TLN1: variants seen among roughly 807,000 people sequenced by gnomAD.
The protein encoded by TLN1 is talin 1.
A neutral mutation model predicts 292.3 loss-of-function variants in TLN1; 56 were observed. The ratio of observed to expected loss-of-function variants is 0.19; its 90% CI spans 0.15 to 0.24. The LOEUF (loss-of-function observed/expected upper bound fraction) is 0.24. TLN1 is among the 10% of genes least tolerant of loss of function. TLN1 has a pLI of 1.00. For missense variants in TLN1, 2,433 were observed against 3,248.2 expected (o/e 0.75, Z 6.10); for synonymous variants, 1,119 against 1,253.7 (o/e 0.89, Z 2.27).
chr9:35,719,719 T>C lies in TLN1; in HGVS notation c.1578+21A>G. The C allele has an allele frequency of 6.2e-7, 1 of 1,610,154 alleles. No homozygotes were observed. Among genetic ancestry groups the C allele is most frequent in the Non-Finnish European group, 8.5e-7 (1 of 1,177,756 alleles). Reference sequence around the variant, plus strand: ...AGTCTCAGCTTCAGTACCACCGGCCTCTCCTCCATCCCATACTTACAGCAT... The same window carrying C: ...AGTCTCAGCTTCAGTACCACCGGCCCCTCCTCCATCCCATACTTACAGCAT... On this transcript the variant is annotated intron_variant, in intron 14 of 56. Transcript: ENST00000314888. This position sits in a 1 kb window ranked among gnomAD's most constrained non-coding sequence, Gnocchi z 4.6.
Position 35,700,195 on chromosome 9 carries a change from C to T in TLN1, c.6656G>A (p.Cys2219Tyr). 1 of 1,599,824 alleles carries T rather than the reference C, an allele frequency of 6.3e-7. No homozygotes were observed. The change falls in exon 49 of 57, where the codon TGC becomes TAC. Residue 2219 changes from cysteine to tyrosine, a missense_variant. Cys to Tyr is a radical substitution (Grantham distance 194). This residue lies in a region of TLN1 where 1,384 missense variants were observed against 1,699.6 expected (regional missense o/e 0.81). Transcript: ENST00000314888. ...AAATGCCTCAAGGATTTCTACCTTG[C>T]AAGCCCGAAGCATATCTGCAATAGC... ...RRAIADMLRA[C>Y]KEAAYHPEVA...
At position 35,712,124 on chromosome 9, in the gene TLN1, C is replaced by T. The variant is rs1012448272; in HGVS notation, c.3562G>A (p.Val1188Met). The T allele has an allele frequency of 6.2e-7, 1 of 1,612,238 alleles. No homozygotes were observed. The highest frequency in any genetic ancestry group is 1.3e-5 in the African/African-American group (1 of 74,816). The change falls in exon 28 of 57, where the codon GTG becomes ATG. Residue 1188 changes from valine to methionine, a missense_variant and splice_region_variant. Val to Met is a conservative substitution (Grantham distance 21). Around this residue, in one of 7 missense-constraint regions of TLN1, gnomAD observed 1,384 missense variants for 1,699.6 expected, o/e 0.81. Transcript: ENST00000314888. ...AGAGCCTGGGTCACTGCTTTAGCCA[C>T]CTGGGGTGAGAAAGGAGACAGGGTT... ...DPESQQRLAQ[V>M]AKAVTQALNR...
intron 33 of TLN1, among the ~76,000 whole-genome samples, chr9:35,709,941 G>A (rs185119618): frequency 0.018 from 2,506 of 143,104 alleles, 58 homozygotes; most frequent in African/African-American, 0.056. Context: ...GGCCAGGCGC[G>A]GTGGCTCACG....
Position 35,699,852 on chromosome 9 carries a change from G to C in TLN1, c.6768+122C>G. 7 of 1,143,858 alleles carry C rather than the reference G, an allele frequency of 6.1e-6. No homozygotes were observed. Among genetic ancestry groups the C allele is most frequent in the South Asian group, 1.7e-5 (1 of 60,466 alleles). The allele number at this position is 1,143,858 out of a possible 1,614,324, so 70.9% of individuals were successfully genotyped here. On this transcript the variant is annotated intron_variant, in intron 50 of 56. Coordinates refer to ENST00000314888, the MANE Select transcript of TLN1 (RefSeq NM_006289.4). This position sits in a 1 kb window ranked among gnomAD's most constrained non-coding sequence, Gnocchi z 4.0. ...GACTTGGAAAGGAGAACAGATTTGG[G>C]AAGTAGAGGGTGGGGTAGGGAGGAG...
chr9:35,714,343 C>G lies in TLN1; in HGVS notation c.3016G>C (p.Ala1006Pro). Residue 1006 changes from alanine (A) to proline (P), a missense_variant, in exon 24 of 57, where the codon GCC (alanine) becomes CCC (proline). Around this residue, in one of 7 missense-constraint regions of TLN1, gnomAD observed 617 missense variants for 770.6 expected, o/e 0.80. Coordinates refer to ENST00000314888, the MANE Select transcript of TLN1 (RefSeq NM_006289.4). The surrounding 1 kb of genome is among the most constrained non-coding windows in gnomAD (Gnocchi z 4.6). ...TGGTCCTGAATCGTTGGCACTGAGG[C>G]CTTTGCAGCTGCCACCATCTTCCCA... is the stretch of plus-strand genomic sequence containing the variant. Reference protein sequence around the residue: ...PGGKMVAAAKASVPTIQDQAS... With the variant: ...PGGKMVAAAKPSVPTIQDQAS... The G allele has an allele frequency of 6.2e-7, 1 of 1,612,828 alleles. No individual in the cohort carries two copies. The highest frequency in any genetic ancestry group is 8.5e-7 in the Non-Finnish European group (1 of 1,179,224).
At chr9:35,722,079 T>C (rs753536619) in intron 9 of TLN1, 40 bp downstream of exon 9, 28 of 1,563,660 alleles carry the variant, frequency 1.8e-5, no homozygotes, top group Non-Finnish European at 2.4e-5. Flanking sequence ...AGGGCAAGAG[T>C]GGGAAACAAG....
At chr9:35,701,471 T>C (rs892076831) in intron 48 of TLN1, among the ~76,000 whole-genome samples, 5 of 152,186 alleles carry the variant, frequency 3.3e-5, no homozygotes, top group African/African-American at 1.2e-4. Context: ...GACAGGATCT[T>C]GCTATGTTGT....
chr9:35,729,891 T>A (rs1005241446), intron 1 of TLN1, among the ~76,000 whole-genome samples: 1 of 151,888 alleles, frequency 6.6e-6, no homozygotes. Context: ...GAGTATATGA[T>A]TAGTAGCCAC....
At position 35,725,215 on chromosome 9, in the gene TLN1, G is replaced by C. The variant is rs370328073; in HGVS notation, c.228+9C>G. 41 of 1,613,914 alleles carry C rather than the reference G, an allele frequency of 2.5e-5. No individual in the cohort carries two copies. The East Asian group carries it at 3.3e-4, about 13-fold the overall frequency. ...GGGATGTGGTGGTCCTTGATGAAAG[G>C]ATACTTACCCCATTTCGGAGCATGT... is the stretch of plus-strand genomic sequence containing the variant. On this transcript the variant is annotated intron_variant, in intron 3 of 56. Transcript: ENST00000314888.
chr9:35,705,830 C>T lies in TLN1; in HGVS notation c.5533G>A (p.Glu1845Lys). The change falls in exon 42 of 57, where the codon GAA (glutamate) becomes AAA (lysine). Residue 1845 changes from glutamate (E) to lysine (K), a missense_variant. Glu to Lys is a moderately conservative substitution (Grantham distance 56, BLOSUM62 1). Coordinates refer to ENST00000314888, the MANE Select transcript of TLN1 (RefSeq NM_006289.4). ...TAATCCACGAAGGAACCTTCTGGTTCACCCATTGGTCCTTCATCTAGCTGA... is the reference window on the plus strand; with the variant it reads ...TAATCCACGAAGGAACCTTCTGGTTTACCCATTGGTCCTTCATCTAGCTGA... Reference protein sequence around the residue: ...INQLDEGPMGEPEGSFVDYQT... With the variant: ...INQLDEGPMGKPEGSFVDYQT... 6.2e-7 allele frequency: 1 copy of T among 1,614,240 alleles called. No individual in the cohort carries two copies. The highest frequency in any genetic ancestry group is 8.5e-7 in the Non-Finnish European group (1 of 1,180,052).
chr9:35,727,020 T>C (rs1456412665), intron 1 of TLN1, among the ~76,000 whole-genome samples: 1 of 152,210 alleles, frequency 6.6e-6, no homozygotes, highest in Non-Finnish European at 1.5e-5. Flanking sequence ...CTCAGAATAC[T>C]AGTCCTACCC....
At position 35,715,334 on chromosome 9, in the gene TLN1, T is replaced by C. The variant is rs1825758474; in HGVS notation, c.2626-147A>G. On this transcript the variant is annotated intron_variant, in intron 20 of 56. Transcript: ENST00000314888. ...AGCCCCACCAAAAGGCAATCACCTTTGAGAGGAGCTGACTCATGAAGGTCA... is the reference window on the plus strand; with the variant it reads ...AGCCCCACCAAAAGGCAATCACCTTCGAGAGGAGCTGACTCATGAAGGTCA... The C allele has an allele frequency of 2.6e-6, 3 of 1,135,282 alleles. No individual in the cohort carries two copies. The Admixed American group carries it at 8.2e-5, about 31-fold the overall frequency. 70.3% of individuals were successfully genotyped at this position (1,135,282 alleles called of 1,614,324 possible).
At position 35,724,506 on chromosome 9, in the gene TLN1, G is replaced by A; in HGVS notation, c.511+66C>T. 2 of 1,583,026 alleles carry A rather than the reference G, an allele frequency of 1.3e-6. No individual in the cohort carries two copies. The highest frequency in any genetic ancestry group is 8.6e-7 in the Non-Finnish European group (1 of 1,163,650). On this transcript the variant is annotated intron_variant, in intron 5 of 56. Coordinates refer to ENST00000314888, the MANE Select transcript of TLN1 (RefSeq NM_006289.4). The surrounding 1 kb of genome is among the most constrained non-coding windows in gnomAD (Gnocchi z 4.7). The stretch of plus-strand genomic sequence containing the variant: ...GGGTGTAAAACAGTGCCTGGCAGAA[G>A]CAGATGCTGAAGCCCCTTCCCACCC...
rs1825566142 is a variant in TLN1, at chr9:35,706,395, G to C, written c.5191-29C>G. On this transcript the variant is annotated intron_variant, in intron 39 of 56. Transcript: ENST00000314888. This position sits in a 1 kb window ranked among gnomAD's most constrained non-coding sequence, Gnocchi z 4.2. ...AGGCAAGGGGTTGGACTAGGGGTCA[G>C]GTCCCCTCTCTCTCACCCTACTCCC... The C allele has an allele frequency of 1.2e-6, 2 of 1,612,680 alleles. No individual in the cohort carries two copies. The highest frequency in any genetic ancestry group is 1.7e-4 in the Middle Eastern group (1 of 6,058).
chr9:35,717,288 T>C lies in TLN1; in HGVS notation c.2316A>G (p.Thr772=), dbSNP rs1825804352. Residue 772 remains threonine (T), a synonymous_variant, in exon 19 of 57, where the codon ACA becomes ACG. Transcript: ENST00000314888. The surrounding 1 kb of genome is among the most constrained non-coding windows in gnomAD (Gnocchi z 4.7). ...GCTCATTTAGGGCCTGGGTGACAGC[T>C]GTGGCTGCTGCTCCTACCCCTCGCA... is the stretch of plus-strand genomic sequence containing the variant. ...QLLRGVGAAA[T]AVTQALNELL... is the part of the protein sequence containing the mutation. The C allele has an allele frequency of 1.2e-6, 2 of 1,614,062 alleles. No homozygotes were observed. The highest frequency in any genetic ancestry group is 2.7e-5 in the African/African-American group (2 of 74,906).
At chr9:35,715,230 T>G (rs1825756783) in intron 20 of TLN1, 43 bp from the exon 21 acceptor site, 1 of 1,598,222 alleles carries the variant, frequency 6.3e-7, no homozygotes, top group South Asian at 1.1e-5. Context: ...AGCTCTCCTG[T>G]GGATCCTAAA....
rs878904644 is a variant in TLN1 at position 35,712,062 on chromosome 9, A to G, written c.3624T>C (p.Asp1208=). 4.3e-6 allele frequency: 7 copies of G among 1,613,986 alleles called. No homozygotes were observed. Among genetic ancestry groups the G allele is most frequent in the African/African-American group, 2.7e-5 (2 of 74,926 alleles). ...CAACTGCCCTCAGGGCATTATCCAC[A>G]TCGCGCTGGCCAGGTAGGCAGCTGA... The part of the protein sequence containing the change: ...RCVSCLPGQR[D]VDNALRAVGD... Residue 1208 remains aspartate, a synonymous_variant, in exon 28 of 57, where the codon GAT becomes GAC. Coordinates refer to ENST00000314888, the MANE Select transcript of TLN1 (RefSeq NM_006289.4).
chr9:35,703,544 C>T lies in TLN1; in HGVS notation c.6474+16G>A. 6.2e-7 allele frequency: 1 copy of T among 1,612,200 alleles called. No individual in the cohort carries two copies. Among genetic ancestry groups the T allele is most frequent in the Non-Finnish European group, 8.5e-7 (1 of 1,178,264 alleles). On this transcript the variant is annotated intron_variant, in intron 48 of 56. Transcript: ENST00000314888. ...CTCTCTGACCCTAGTCACTGATGCC[C>T]CAGACTCTCACTCACCGCCAGCTCC...
At chr9:35,703,430 A>T in intron 48 of TLN1, 130 bp downstream of exon 48, 1 of 864,752 alleles carries the variant, frequency 1.2e-6, no homozygotes, top group Non-Finnish European at 1.9e-6. Context: ...CTCAAAAAAA[A>T]AGTCTGGCGA....
Sources: gnomAD v4.1 joint callset for allele counts (sites outside exome capture counted in the v4.1 genomes callset) on GRCh38, gnomAD v4.1.1 for gene constraint, gnomAD v4.1.1 regional missense constraint, Gnocchi (gnomAD v3.1) non-coding constraint, MANE v1.5 for transcripts, NCBI Gene and HGNC (gene_info 2026-07-23, HGNC 2026-07-21) for gene names.